The following MXI1 variants were observed in gnomAD, a reference collection of about 807,000 sequenced individuals.
MXI1 encodes max-interacting protein 1.
In MXI1, 18 loss-of-function variants were observed where a neutral mutation model predicts 36.9. That is an observed-to-expected ratio of 0.49 (90% CI 0.34 to 0.72). The LOEUF is 0.72. Among genes scored for constraint, MXI1 ranks in the 30% least tolerant of loss-of-function variants. The probability of loss-of-function intolerance (pLI) is 0.01; values close to 1 mark genes in which losing one functional copy is unlikely to be tolerated. For synonymous variants in MXI1, 160 were observed against 146.7 expected (o/e 1.09, Z -0.65); for missense variants, 304 against 379.1 (o/e 0.80, Z 1.64).
intron 2 of MXI1, among the ~76,000 whole-genome samples, chr10:110,233,157 A>C (rs1213931751): frequency 6.6e-6 from 1 of 152,316 alleles, no homozygotes; most frequent in African/African-American, 2.4e-5. Context: ...TCATAAAAGC[A>C]GTATCTCAGT....
rs12217415 is a variant in MXI1, at chr10:110,235,484, G to A, written c.407+7163G>A. Among the ~76,000 whole-genome samples the A allele has an allele frequency of 2.7e-3, 403 of 151,046 alleles. 12 individuals are homozygous for A. The East Asian group carries it at 0.048, about 18-fold the overall frequency. Reference sequence around the variant, plus strand: ...CAGCAGATCATGAGGTCAGGAGATCGAGACCATCCTGGCTAACATGGGGAA... The same window carrying A: ...CAGCAGATCATGAGGTCAGGAGATCAAGACCATCCTGGCTAACATGGGGAA... On this transcript the variant is annotated intron_variant, in intron 2 of 5. Coordinates refer to ENST00000332674, the MANE Select transcript of MXI1 (RefSeq NM_130439.3).
At chr10:110,252,817 T>C (rs1431644181) in intron 3 of MXI1, among the ~76,000 whole-genome samples, 1 of 152,120 alleles carries the variant, frequency 6.6e-6, no homozygotes, top group African/African-American at 2.4e-5. Context: ...ATATATACTC[T>C]TGAGAGTTCA....
rs572634830 is a variant in MXI1 at position 110,218,374 on chromosome 10, C to T, written c.275-9815C>T. Among the ~76,000 whole-genome samples, 631 of 151,190 alleles carry T rather than the reference C, an allele frequency of 4.2e-3. 3 individuals carry two copies. The highest frequency in any genetic ancestry group is 0.014 in the African/African-American group (591 of 41,146). ...CTGAAGCAGGAGAATGGCGTGAACC[C>T]GGGAGGCGGTGCTTGCAGTGAGCCG... is the stretch of plus-strand genomic sequence containing the variant. On this transcript the variant is annotated intron_variant, in intron 1 of 5. Coordinates refer to ENST00000332674, the MANE Select transcript of MXI1 (RefSeq NM_130439.3).
At chr10:110,210,339 C>A in intron 1 of MXI1, 1 of 962,014 alleles carries the variant, frequency 1.0e-6, no homozygotes, top group Non-Finnish European at 1.2e-6. Flanking sequence ...CCCTCGGCCC[C>A]GCAGCCCCCC....
intron 3 of MXI1, among the ~76,000 whole-genome samples, chr10:110,254,023 G>C (rs1435438985): frequency 3.3e-5 from 5 of 151,828 alleles, no homozygotes; most frequent in African/African-American, 4.8e-5. Flanking sequence ...AAAATAAAAG[G>C]CATCCAGATT....
At chr10:110,215,250 T>C (rs1443116244) in intron 1 of MXI1, among the ~76,000 whole-genome samples, 5 of 152,036 alleles carry the variant, frequency 3.3e-5, no homozygotes, top group Non-Finnish European at 5.9e-5. Flanking sequence ...CCATGCTGGC[T>C]AGGCTGGTCT....
intron 3 of MXI1, among the ~76,000 whole-genome samples, chr10:110,258,005 T>A (rs1856378567): frequency 6.6e-6 from 1 of 152,188 alleles, no homozygotes; most frequent in African/African-American, 2.4e-5. Context: ...TAAATTTCAT[T>A]TAACAAAATT....
At chr10:110,233,398 A>AT (rs759359650) in intron 2 of MXI1, among the ~76,000 whole-genome samples, 2 of 151,804 alleles carry the variant, frequency 1.3e-5, no homozygotes, top group African/African-American at 4.8e-5. Flanking sequence ...GTTTCAAAGG[A>AT]TTTTTTCCAG....
chr10:110,286,507 G>C lies in MXI1; in HGVS notation c.*1520G>C, dbSNP rs201619843. ...CTTAATTACTTAAAAAAAAAAAAAA[G>C]CTTTATGATTTTCATAACTTATTGC... On this transcript the variant is annotated 3_prime_UTR_variant, in exon 6 of 6. Transcript: ENST00000332674. 8.6e-6 allele frequency: 1 copy of C among 116,052 alleles called. No homozygotes were observed. The highest frequency in any genetic ancestry group is 1.9e-5 in the Non-Finnish European group (1 of 53,334). The allele number at this position is 116,052 out of a possible 1,614,324, so 7.2% of individuals were successfully genotyped here. A position where few individuals can be genotyped will look rare whatever the true frequency, so the allele number is the denominator to read the frequency against.
intron 1 of MXI1, among the ~76,000 whole-genome samples, chr10:110,216,517 A>T (rs79621858): frequency 0.012 from 1,778 of 152,236 alleles, 43 homozygotes; most frequent in African/African-American, 0.04. Flanking sequence ...CACTTGTCTT[A>T]AAGTGAACCC....
intron 3 of MXI1, among the ~76,000 whole-genome samples, chr10:110,264,651 G>A (rs955293602): frequency 1.3e-4 from 20 of 151,976 alleles, no homozygotes; most frequent in African/African-American, 3.9e-4. Flanking sequence ...CACCACGCCC[G>A]TCCTAGTAAT....
chr10:110,284,815 C>A lies in MXI1; in HGVS notation c.725-9C>A. 1 of 1,499,218 alleles carries A rather than the reference C, an allele frequency of 6.7e-7. No homozygotes were observed. The highest frequency in any genetic ancestry group is 8.9e-7 in the Non-Finnish European group (1 of 1,126,254). 92.9% of individuals were successfully genotyped at this position (1,499,218 alleles called of 1,614,324 possible). A position where few individuals can be genotyped will look rare whatever the true frequency, so the allele number is the denominator to read the frequency against. ...TTAATGTTCTTCTTTTTTTTTTTTC[C>A]TTTGGCAGAGGAGATTGAAGTGGAT... On this transcript the variant is annotated splice_polypyrimidine_tract_variant and intron_variant, in intron 5 of 5. Coordinates refer to ENST00000332674, the MANE Select transcript of MXI1 (RefSeq NM_130439.3).
chr10:110,208,117 C>A, intron 1 of MXI1, 35 bp downstream of exon 1: 1 of 1,558,050 alleles, frequency 6.4e-7, no homozygotes, highest in South Asian at 1.2e-5. Flanking sequence ...CCTCGGCGCC[C>A]GGTTCTTTCT....
intron 2 of MXI1, among the ~76,000 whole-genome samples, chr10:110,235,698 T>TAA (rs888367602): frequency 4.1e-5 from 6 of 145,952 alleles, no homozygotes; most frequent in South Asian, 2.3e-4. Flanking sequence ...AAAAAATAAA[T>TAA]AAATAAATAA....
At chr10:110,275,064 AGG>A (rs1856983022) in intron 3 of MXI1, among the ~76,000 whole-genome samples, 1 of 149,268 alleles carries the variant, frequency 6.7e-6, no homozygotes, top group African/African-American at 2.4e-5. Flanking sequence ...TAGTAGACAC[AGG>A]GTTTCACCAT....
intron 3 of MXI1, among the ~76,000 whole-genome samples, chr10:110,273,329 G>A (rs965478591): frequency 6.6e-6 from 1 of 152,156 alleles, no homozygotes; most frequent in African/African-American, 2.4e-5. Flanking sequence ...TTACAGGCAT[G>A]AGCCACCGTG....
At chr10:110,220,002 A>G (rs964312595) in intron 1 of MXI1, among the ~76,000 whole-genome samples, 3 of 152,216 alleles carry the variant, frequency 2.0e-5, no homozygotes, top group African/African-American at 7.2e-5. Context: ...TGACAATAAA[A>G]AAGACACTCC....
Position 110,284,813 on chromosome 10 carries a change from TC to T in MXI1, c.725-9del. ...AATTAATGTTCTTCTTTTTTTTTTT[TC>T]CTTTGGCAGAGGAGATTGAAGTGGA... On this transcript the variant is annotated splice_polypyrimidine_tract_variant and intron_variant, in intron 5 of 5. Coordinates refer to ENST00000332674, the MANE Select transcript of MXI1 (RefSeq NM_130439.3). 2 of 1,582,388 alleles carry T rather than the reference TC, an allele frequency of 1.3e-6. No homozygotes were observed. Among genetic ancestry groups the T allele is most frequent in the Admixed American group, 3.9e-5 (2 of 51,394 alleles).
chr10:110,218,414 C>T (rs911981327), intron 1 of MXI1, among the ~76,000 whole-genome samples: 4 of 151,164 alleles, frequency 2.6e-5, no homozygotes, highest in Admixed American at 2.6e-4. Context: ...CACACCACTG[C>T]ACTCCAGCCT....
Sources: allele counts gnomAD v4.1 joint callset (sites outside exome capture counted in the v4.1 genomes callset), GRCh38; gene constraint gnomAD v4.1.1; transcripts MANE v1.5; gene names NCBI Gene and HGNC (gene_info 2026-07-23, HGNC 2026-07-21).